The following RORA variants were observed in gnomAD, a reference collection of about 807,000 sequenced individuals.
RORA encodes nuclear receptor ROR-alpha.
Under a neutral mutation model 69.5 loss-of-function variants are expected in RORA, and 7 were observed. That is an observed-to-expected ratio of 0.10 (90% CI 0.06 to 0.19). RORA has a LOEUF of 0.19. RORA is among the 10% of genes least tolerant of loss of function. The pLI is 1.00. For missense variants in RORA, 457 were observed against 663.0 expected, an observed-to-expected ratio of 0.69 and a Z score of 3.41; for synonymous variants, 261 against 240.8, an observed-to-expected ratio of 1.08 and a Z score of -0.78.
intron 2 of RORA, among the ~76,000 whole-genome samples, chr15:60,538,983 A>T (rs1439305894): frequency 1.5e-5 from 2 of 130,740 alleles, no homozygotes; most frequent in Admixed American, 1.7e-4. Context: ...AAAAGTGTTG[A>T]GTATACCTGC....
chr15:60,998,347 A>G (rs1337802289), intron 1 of RORA, among the ~76,000 whole-genome samples: 2 of 151,302 alleles, frequency 1.3e-5, no homozygotes, highest in African/African-American at 4.9e-5. Context: ...TAAAAAAAGC[A>G]TTATAGAGAT....
intron 1 of RORA, among the ~76,000 whole-genome samples, chr15:61,020,562 G>T (rs1378138698): frequency 6.6e-6 from 1 of 152,090 alleles, no homozygotes; most frequent in Non-Finnish European, 1.5e-5. Flanking sequence ...AACAACCAAG[G>T]CTTCCCTTCT....
chr15:61,146,781 TTGCTACC>T (rs1464341555), intron 1 of RORA, among the ~76,000 whole-genome samples: 7 of 152,302 alleles, frequency 4.6e-5, no homozygotes, highest in African/African-American at 1.2e-4. Flanking sequence ...CACCAGTCAC[TTGCTACC>T]TGCTGTTATA....
At chr15:60,794,691 A>T (rs2140351844) in intron 1 of RORA, among the ~76,000 whole-genome samples, 1 of 152,350 alleles carries the variant, frequency 6.6e-6, no homozygotes, top group Non-Finnish European at 1.5e-5. Flanking sequence ...GCAATCATTA[A>T]TTTCTAAACG....
At chr15:61,133,222 T>C (rs530149006) in intron 1 of RORA, among the ~76,000 whole-genome samples, 1 of 152,100 alleles carries the variant, frequency 6.6e-6, no homozygotes, top group Admixed American at 6.5e-5. Context: ...TCAGGTAATA[T>C]ATATAATGTT....
chr15:61,022,783 G>A (rs1053921469), intron 1 of RORA, among the ~76,000 whole-genome samples: 4 of 152,132 alleles, frequency 2.6e-5, no homozygotes, highest in Admixed American at 6.5e-5. Flanking sequence ...CTGTCTGGAG[G>A]TAGAAGAAAA....
At chr15:61,188,426 G>A (rs1288490123) in intron 1 of RORA, among the ~76,000 whole-genome samples, 1 of 152,166 alleles carries the variant, frequency 6.6e-6, no homozygotes, top group Non-Finnish European at 1.5e-5. Flanking sequence ...TTCTGGGGCA[G>A]CAGTGCCCAA....
chr15:61,069,827 C>T (rs952735102), intron 1 of RORA, among the ~76,000 whole-genome samples: 4 of 152,064 alleles, frequency 2.6e-5, no homozygotes, highest in African/African-American at 9.7e-5. Context: ...AGATTTAAAA[C>T]GAACTCCTCC....
intron 1 of RORA, among the ~76,000 whole-genome samples, chr15:60,746,156 C>T (rs1490017451): frequency 6.6e-6 from 1 of 152,152 alleles, no homozygotes; most frequent in Non-Finnish European, 1.5e-5. Context: ...AGTCTCTGGG[C>T]TCCATTTTTT....
chr15:60,602,431 T>C (rs535109508), intron 2 of RORA, among the ~76,000 whole-genome samples: 1 of 152,344 alleles, frequency 6.6e-6, no homozygotes, highest in Non-Finnish European at 1.5e-5. Context: ...AAAAGTTTTG[T>C]CCTCTTATGA....
chr15:60,755,108 A>G (rs1371042700), intron 1 of RORA, among the ~76,000 whole-genome samples: 4 of 147,488 alleles, frequency 2.7e-5, no homozygotes, highest in East Asian at 2.1e-4. Context: ...AGCATTAGGT[A>G]TATCTCCTAA....
At chr15:60,995,266 A>C (rs1230137952) in intron 1 of RORA, among the ~76,000 whole-genome samples, 1 of 152,126 alleles carries the variant, frequency 6.6e-6, no homozygotes, top group African/African-American at 2.4e-5. Flanking sequence ...AAAATCAGCC[A>C]ATTTGAGCTG....
chr15:60,566,740 T>C (rs1278730856), intron 2 of RORA, among the ~76,000 whole-genome samples: 1 of 152,170 alleles, frequency 6.6e-6, no homozygotes, highest in African/African-American at 2.4e-5. Flanking sequence ...CGCACTTCCC[T>C]AGGCAGTGAA....
chr15:61,110,094 T>C (rs926520717), intron 1 of RORA, among the ~76,000 whole-genome samples: 1 of 152,220 alleles, frequency 6.6e-6, no homozygotes, highest in Non-Finnish European at 1.5e-5. Context: ...GCACTGCCAG[T>C]TGTATAAGAG....
chr15:61,037,185 G>GAA (rs1896500050), intron 1 of RORA, among the ~76,000 whole-genome samples: 1 of 152,112 alleles, frequency 6.6e-6, no homozygotes, highest in African/African-American at 2.4e-5. Context: ...TGTAAGAATT[G>GAA]AAAAATATGT....
At chr15:60,630,888 C>CTTTTTTTTTTTTTTTT (rs542275787) in intron 2 of RORA, among the ~76,000 whole-genome samples, 1 of 109,902 alleles carries the variant, frequency 9.1e-6, no homozygotes, top group Non-Finnish European at 1.7e-5. Flanking sequence ...ATGAGACTTT[C>CTTTTTTTTTTTTTTTT]TTTTTTTTTT....
intron 1 of RORA, among the ~76,000 whole-genome samples, chr15:60,691,307 T>C (rs1162001307): frequency 6.6e-6 from 1 of 152,192 alleles, no homozygotes; most frequent in Non-Finnish European, 1.5e-5. Context: ...TCCCTCCTCC[T>C]GACATTCTAT....
intron 1 of RORA, among the ~76,000 whole-genome samples, chr15:60,924,128 C>T (rs1892136176): frequency 6.6e-6 from 1 of 152,142 alleles, no homozygotes. Flanking sequence ...CCATGTGTAG[C>T]ATTCCATTCA....
chr15:60,727,316 T>C (rs2071373307), intron 1 of RORA, among the ~76,000 whole-genome samples: 1 of 152,192 alleles, frequency 6.6e-6, no homozygotes, highest in African/African-American at 2.4e-5. Flanking sequence ...ATCCCACGGT[T>C]GCAAAACCCA....
Sources: allele counts gnomAD v4.1 joint callset (sites outside exome capture counted in the v4.1 genomes callset), GRCh38; gene constraint gnomAD v4.1.1; transcripts MANE v1.5; gene names NCBI Gene and HGNC (gene_info 2026-07-23, HGNC 2026-07-21).